ST6GALNAC3: variants seen among roughly 807,000 people sequenced by gnomAD.
ST6GALNAC3 encodes the protein alpha-N-acetylgalactosaminide alpha-2,6-sialyltransferase 3.
Under a neutral mutation model 32.7 loss-of-function variants are expected in ST6GALNAC3, and 25 were observed. That is an observed-to-expected ratio of 0.76 (90% CI 0.56 to 1.07). The LOEUF is 1.07. Ranked by LOEUF, ST6GALNAC3 falls within the 50% of genes least tolerant of loss-of-function variation. The probability of loss-of-function intolerance (pLI) is 0.00; values close to 1 mark genes in which losing one functional copy is unlikely to be tolerated. For missense variants in ST6GALNAC3, 355 were observed against 382.4 expected (o/e 0.93, Z 0.60); for synonymous variants, 129 against 133.1 (o/e 0.97, Z 0.21).
intron 2 of ST6GALNAC3, among the ~76,000 whole-genome samples, chr1:76,333,530 A>T (rs1193457715): frequency 3.9e-5 from 6 of 152,174 alleles, no homozygotes; most frequent in Non-Finnish European, 8.8e-5. Flanking sequence ...TTAACTTCTT[A>T]TAATTGCCAA....
At chr1:76,139,746 T>A (rs1018226251) in intron 1 of ST6GALNAC3, among the ~76,000 whole-genome samples, 1 of 152,186 alleles carries the variant, frequency 6.6e-6, no homozygotes, top group Non-Finnish European at 1.5e-5. Flanking sequence ...TGGTTTCTAG[T>A]TCTGGTTGTG....
At chr1:76,514,094 T>A (rs113682637) in intron 3 of ST6GALNAC3, among the ~76,000 whole-genome samples, 379 of 152,306 alleles carry the variant, frequency 2.5e-3, no homozygotes, top group Middle Eastern at 6.8e-3. Context: ...TAAAATCATG[T>A]CATTTGTAAA....
At chr1:76,412,760 G>A (rs1275580410) in intron 3 of ST6GALNAC3, among the ~76,000 whole-genome samples, 3 of 152,120 alleles carry the variant, frequency 2.0e-5, no homozygotes, top group Non-Finnish European at 2.9e-5. Flanking sequence ...ACCTAGTAAT[G>A]GTAAGGAACT....
At chr1:76,223,038 C>T (rs1214277685) in intron 1 of ST6GALNAC3, among the ~76,000 whole-genome samples, 1 of 151,944 alleles carries the variant, frequency 6.6e-6, no homozygotes, top group Non-Finnish European at 1.5e-5. Context: ...CCTAGGAATC[C>T]CATTGTATAC....
At chr1:76,255,914 T>G (rs1657894236) in intron 1 of ST6GALNAC3, among the ~76,000 whole-genome samples, 1 of 151,616 alleles carries the variant, frequency 6.6e-6, no homozygotes, top group Admixed American at 6.6e-5. Flanking sequence ...TCAAATACAT[T>G]TATTACTATG....
chr1:76,588,110 C>G (rs1293513680), intron 3 of ST6GALNAC3, among the ~76,000 whole-genome samples: 2 of 152,188 alleles, frequency 1.3e-5, no homozygotes, highest in Non-Finnish European at 2.9e-5. Context: ...GATCCCATTC[C>G]TCTTTGTACT....
intron 1 of ST6GALNAC3, among the ~76,000 whole-genome samples, chr1:76,076,615 T>C (rs1049905852): frequency 6.6e-6 from 1 of 152,248 alleles, no homozygotes; most frequent in Non-Finnish European, 1.5e-5. Flanking sequence ...AAATACTTTG[T>C]GGCACAGGCA....
chr1:76,514,262 G>A (rs559100874), intron 3 of ST6GALNAC3, among the ~76,000 whole-genome samples: 1 of 152,256 alleles, frequency 6.6e-6, no homozygotes, highest in East Asian at 1.9e-4. Flanking sequence ...AATTTGTGGA[G>A]AGTTTTTATC....
chr1:76,154,019 T>C (rs779515017), intron 1 of ST6GALNAC3, among the ~76,000 whole-genome samples: 1 of 152,168 alleles, frequency 6.6e-6, no homozygotes, highest in South Asian at 2.1e-4. Context: ...GGGAGGGCTT[T>C]TTCCGTGATG....
At chr1:76,261,769 A>G (rs1483611245) in intron 1 of ST6GALNAC3, among the ~76,000 whole-genome samples, 4 of 152,170 alleles carry the variant, frequency 2.6e-5, no homozygotes, top group Non-Finnish European at 4.4e-5. Context: ...TGAGGGCCCT[A>G]ACTCCCCTCT....
At chr1:76,208,776 G>A (rs2100565046) in intron 1 of ST6GALNAC3, among the ~76,000 whole-genome samples, 1 of 152,196 alleles carries the variant, frequency 6.6e-6, no homozygotes, top group East Asian at 1.9e-4. Flanking sequence ...TTCTTGGAGC[G>A]AGATGCATCA....
chr1:76,259,257 T>C (rs1347998383), intron 1 of ST6GALNAC3, among the ~76,000 whole-genome samples: 1 of 152,114 alleles, frequency 6.6e-6, no homozygotes, highest in Non-Finnish European at 1.5e-5. Context: ...AAATTTCTAA[T>C]GACAGAAGAA....
chr1:76,389,010 TC>T (rs1293126401), intron 2 of ST6GALNAC3, among the ~76,000 whole-genome samples: 3 of 88,390 alleles, frequency 3.4e-5, no homozygotes, highest in African/African-American at 9.6e-5. Context: ...TTGGTATATT[TC>T]CTTTTTTTTT....
intron 3 of ST6GALNAC3, among the ~76,000 whole-genome samples, chr1:76,526,765 A>G (rs1211255962): frequency 1.3e-5 from 2 of 152,112 alleles, no homozygotes; most frequent in East Asian, 1.9e-4. Context: ...CTTTAAAAAT[A>G]TGATCCTTTT....
intron 3 of ST6GALNAC3, among the ~76,000 whole-genome samples, chr1:76,488,267 C>T (rs1408383897): frequency 1.3e-5 from 2 of 152,032 alleles, no homozygotes; most frequent in Non-Finnish European, 2.9e-5. Flanking sequence ...GTGTGTGGCA[C>T]CTCCACCCCC....
chr1:76,310,726 T>C (rs146581243), intron 1 of ST6GALNAC3, among the ~76,000 whole-genome samples: 17 of 152,182 alleles, frequency 1.1e-4, no homozygotes, highest in African/African-American at 3.6e-4. Flanking sequence ...TTTTGGTCTT[T>C]CACAGAAAGT....
chr1:76,253,397 C>G (rs551926015), intron 1 of ST6GALNAC3, among the ~76,000 whole-genome samples: 3 of 152,024 alleles, frequency 2.0e-5, no homozygotes, highest in African/African-American at 7.2e-5. Context: ...AAGATGGAGG[C>G]GCTCATTTAT....
At chr1:76,089,082 G>A (rs1283093494) in intron 1 of ST6GALNAC3, among the ~76,000 whole-genome samples, 1 of 152,172 alleles carries the variant, frequency 6.6e-6, no homozygotes, top group Non-Finnish European at 1.5e-5. Context: ...AGGCTGGAGT[G>A]CAGTGGCACA....
At position 76,346,107 on chromosome 1, in the gene ST6GALNAC3, G is replaced by A. The variant is rs116667766; in HGVS notation, c.213+32108G>A. Among the ~76,000 whole-genome samples the A allele has an allele frequency of 4.4e-3, 672 of 152,100 alleles. 7 individuals carry two copies. The highest frequency in any genetic ancestry group is 0.015 in the African/African-American group (625 of 41,496). Reference sequence around the variant, plus strand: ...TACTTATCACCACCAGGGGTATAATGTTATTTTATGTCAATTGTTTGTCTT... The same window carrying A: ...TACTTATCACCACCAGGGGTATAATATTATTTTATGTCAATTGTTTGTCTT... On this transcript the variant is annotated intron_variant, in intron 2 of 4. Transcript: ENST00000328299.
Sources: gnomAD v4.1 joint callset for allele counts (sites outside exome capture counted in the v4.1 genomes callset) on GRCh38, gnomAD v4.1.1 for gene constraint, MANE v1.5 for transcripts, NCBI Gene and HGNC (gene_info 2026-07-23, HGNC 2026-07-21) for gene names.